Variants in CNTN5 observed in about 807,000 individuals in gnomAD.
CNTN5 encodes the protein contactin-5.
CNTN5 carries 77 observed loss-of-function variants against 129.1 expected under a neutral mutation model. That is an observed-to-expected ratio of 0.60 (90% CI 0.50 to 0.72). The LOEUF (loss-of-function observed/expected upper bound fraction) is 0.72. Among genes scored for constraint, CNTN5 ranks in the 30% least tolerant of loss-of-function variants. The probability of loss-of-function intolerance (pLI) is 0.00; values close to 1 mark genes in which losing one functional copy is unlikely to be tolerated. For missense variants in CNTN5, 1,478 were observed against 1,328.8 expected (o/e 1.11, Z -1.75); for synonymous variants, 509 against 465.6 (o/e 1.09, Z -1.20).
At chr11:99,597,581 T>A (rs554318513) in intron 3 of CNTN5, among the ~76,000 whole-genome samples, 22 of 152,174 alleles carry the variant, frequency 1.4e-4, no homozygotes, top group African/African-American at 5.1e-4. Flanking sequence ...ACTGTCAGGG[T>A]TTTTACCCAG....
chr11:100,139,646 T>C (rs1591304868), intron 13 of CNTN5, among the ~76,000 whole-genome samples: 1 of 152,032 alleles, frequency 6.6e-6, no homozygotes, highest in South Asian at 2.1e-4. Context: ...GGCAGATCAC[T>C]TGAGGTCAGG....
intron 4 of CNTN5, among the ~76,000 whole-genome samples, chr11:99,842,355 A>G (rs1008305591): frequency 6.6e-6 from 1 of 152,234 alleles, no homozygotes; most frequent in Admixed American, 6.5e-5. Context: ...ACTACAAGTA[A>G]ATATTAGTTA....
At chr11:99,255,380 G>C (rs888043680) in intron 1 of CNTN5, among the ~76,000 whole-genome samples, 1 of 151,360 alleles carries the variant, frequency 6.6e-6, no homozygotes, top group African/African-American at 2.4e-5. Flanking sequence ...AAATTATTGT[G>C]GGTATTTGGA....
At chr11:99,860,281 T>G (rs79433622) in intron 6 of CNTN5, among the ~76,000 whole-genome samples, 1 of 150,708 alleles carries the variant, frequency 6.6e-6, no homozygotes, top group African/African-American at 2.4e-5. Context: ...TGACAGTTTC[T>G]TTTTTTTTGT....
chr11:100,040,360 G>A (rs1311640649), intron 9 of CNTN5, among the ~76,000 whole-genome samples: 1 of 152,190 alleles, frequency 6.6e-6, no homozygotes, highest in Non-Finnish European at 1.5e-5. Context: ...CTGGCCGTAT[G>A]AGGTGTCAGT....
chr11:100,113,638 C>A (rs1945742676), intron 13 of CNTN5, among the ~76,000 whole-genome samples: 1 of 151,786 alleles, frequency 6.6e-6, no homozygotes, highest in South Asian at 2.1e-4. Context: ...TAGCATATGA[C>A]AATACTGAAT....
At chr11:100,346,438 A>G (rs929637809) in intron 23 of CNTN5, among the ~76,000 whole-genome samples, 1 of 152,166 alleles carries the variant, frequency 6.6e-6, no homozygotes, top group African/African-American at 2.4e-5. Context: ...TTTTCTTCAC[A>G]CAGACTTATG....
At position 100,100,646 on chromosome 11, in the gene CNTN5, A is replaced by G. The variant is rs1363616528; in HGVS notation, c.1580+26352A>G. ...ATTGATTAGTCAAATTGATGAATCA[A>G]TCAAAAACTACAGTTTCAGAGGAAA... On this transcript the variant is annotated intron_variant, in intron 13 of 24. Transcript: ENST00000524871. Among the ~76,000 whole-genome samples, 5 of 152,136 alleles carry G rather than the reference A, an allele frequency of 3.3e-5. No individual in the cohort carries two copies. The East Asian group carries it at 9.6e-4, about 29-fold the overall frequency.
At chr11:100,350,670 A>G (rs1295211839) in intron 23 of CNTN5, 32 bp from the exon 24 acceptor site, 3 of 1,535,046 alleles carry the variant, frequency 2.0e-6, no homozygotes, top group African/African-American at 2.8e-5. Flanking sequence ...AATCTTTCAT[A>G]TCAAATGTCT....
chr11:100,246,924 G>A (rs189409428), intron 16 of CNTN5, among the ~76,000 whole-genome samples: 5 of 152,192 alleles, frequency 3.3e-5, no homozygotes. Flanking sequence ...GAATACAATA[G>A]TGAGAAAAAA....
intron 3 of CNTN5, among the ~76,000 whole-genome samples, chr11:99,781,098 T>C (rs1945295146): frequency 6.6e-6 from 1 of 152,096 alleles, no homozygotes; most frequent in African/African-American, 2.4e-5. Context: ...GAATTGTGTC[T>C]GCTTGATAGG....
intron 3 of CNTN5, among the ~76,000 whole-genome samples, chr11:99,751,495 A>G (rs1297063724): frequency 6.6e-6 from 1 of 152,162 alleles, no homozygotes; most frequent in Non-Finnish European, 1.5e-5. Context: ...TTATTTGACA[A>G]TTTATTCAAT....
chr11:99,672,633 G>C (rs1953095220), intron 3 of CNTN5, among the ~76,000 whole-genome samples: 1 of 149,736 alleles, frequency 6.7e-6, no homozygotes. Context: ...CCTGGACCCT[G>C]GCAACTAGAT....
intron 1 of CNTN5, among the ~76,000 whole-genome samples, chr11:99,320,249 C>A (rs968947627): frequency 2.4e-4 from 36 of 152,018 alleles, no homozygotes; most frequent in Admixed American, 2.0e-3. Context: ...CTCAAATAAA[C>A]AAATAAATAA....
At chr11:99,600,102 A>G (rs1342641253) in intron 3 of CNTN5, among the ~76,000 whole-genome samples, 2 of 152,136 alleles carry the variant, frequency 1.3e-5, no homozygotes, top group Non-Finnish European at 2.9e-5. Flanking sequence ...AAATGGCTAC[A>G]CTTAACAAAA....
chr11:99,392,413 T>C (rs1420472901), intron 2 of CNTN5, among the ~76,000 whole-genome samples: 1 of 151,770 alleles, frequency 6.6e-6, no homozygotes, highest in Non-Finnish European at 1.5e-5. Flanking sequence ...TTAGATGAAA[T>C]TGAAAATACA....
intron 2 of CNTN5, among the ~76,000 whole-genome samples, chr11:99,454,273 G>A (rs72989860): frequency 0.17 from 25,366 of 152,130 alleles, 2,300 homozygotes; most frequent in Middle Eastern, 0.31. Flanking sequence ...AAAGGGTAAT[G>A]ATATAGTTGG....
chr11:99,488,527 T>G (rs964102816), intron 2 of CNTN5, among the ~76,000 whole-genome samples: 1 of 152,022 alleles, frequency 6.6e-6, no homozygotes, highest in Non-Finnish European at 1.5e-5. Flanking sequence ...AAATCTTTGC[T>G]GCTAACCACT....
At chr11:99,841,190 A>G (rs1947477812) in intron 4 of CNTN5, among the ~76,000 whole-genome samples, 1 of 152,196 alleles carries the variant, frequency 6.6e-6, no homozygotes. Flanking sequence ...AATAGGGCTA[A>G]GATGCTTTGG....
Sources: allele counts gnomAD v4.1 joint callset (sites outside exome capture counted in the v4.1 genomes callset), GRCh38; gene constraint gnomAD v4.1.1; transcripts MANE v1.5; gene names NCBI Gene and HGNC (gene_info 2026-07-23, HGNC 2026-07-21).